Variants in TNFAIP8L1 observed in about 807,000 individuals in gnomAD.
The protein encoded by TNFAIP8L1 is TNF alpha induced protein 8 like 1.
For synonymous variants in TNFAIP8L1, 127 were observed against 125.6 expected (o/e 1.01, Z -0.08); for missense variants, 225 against 266.1 (o/e 0.85, Z 1.08).
intron 1 of TNFAIP8L1, among the ~76,000 whole-genome samples, chr19:4,643,509 G>A (rs1180824593): frequency 7.9e-5 from 12 of 152,178 alleles, no homozygotes; most frequent in East Asian, 5.8e-4. Flanking sequence ...CAGGCTCCCC[G>A]CCACAACCCA....
Position 4,651,972 on chromosome 19 carries a change from A to T in TNFAIP8L1, c.103A>T (p.Ser35Cys), listed in dbSNP as rs778299757. The stretch of plus-strand genomic sequence containing the variant: ...GGTGGCCGTGCTGGTGGATGACACC[A>T]GCAGTGAGGTGCTGGATGAGCTGTA... ...AVVAVLVDDT[S>C]SEVLDELYRA... is the part of the protein sequence containing the mutation. Residue 35 changes from serine to cysteine, a missense_variant, in exon 2 of 2, where the codon AGC becomes TGC. Ser to Cys is a moderately radical substitution (Grantham distance 112). Coordinates refer to ENST00000327473, the MANE Select transcript of TNFAIP8L1 (RefSeq NM_152362.3). The T allele has an allele frequency of 1.9e-6, 3 of 1,614,162 alleles. No individual in the cohort carries two copies. In the South Asian group the frequency reaches 3.3e-5, roughly 18 times the overall value.
chr19:4,643,429 G>A (rs1448246771), intron 1 of TNFAIP8L1, among the ~76,000 whole-genome samples: 2 of 152,188 alleles, frequency 1.3e-5, no homozygotes, highest in Non-Finnish European at 2.9e-5. Context: ...TGGGCTGTGG[G>A]TAGCTGATAA....
rs1453096301 is a variant in TNFAIP8L1, at chr19:4,654,959, C to T, written c.*2529C>T. 4.6e-5 allele frequency: 7 copies of T among 152,114 alleles called. No homozygotes were observed. In the East Asian group the frequency reaches 1.3e-3, roughly 29 times the overall value. 9.4% of individuals were successfully genotyped at this position (152,114 alleles called of 1,614,324 possible). A position where few individuals can be genotyped will look rare whatever the true frequency, so the allele number is the denominator to read the frequency against. ...AGAGGTTGCGGCAGGGGCCTGTGGGCCTTACTTGGTGAGAAGGTAGGTCTA... is the reference window on the plus strand; with the variant it reads ...AGAGGTTGCGGCAGGGGCCTGTGGGTCTTACTTGGTGAGAAGGTAGGTCTA... On this transcript the variant is annotated 3_prime_UTR_variant, in exon 2 of 2. Transcript: ENST00000327473.
chr19:4,653,074 G>A lies in TNFAIP8L1; in HGVS notation c.*644G>A, dbSNP rs186595311. ...TAATCCCAGCACTTTGAGAGGCTGA[G>A]GCGGGCGGATCACGAGGTCAGGAGA... On this transcript the variant is annotated 3_prime_UTR_variant, in exon 2 of 2. Transcript: ENST00000327473. 0.019 allele frequency: 3,245 copies of A among 167,110 alleles called. 70 individuals carry two copies. The highest frequency in any genetic ancestry group is 0.021 in the Non-Finnish European group (1,454 of 68,174). The allele number at this position is 167,110 out of a possible 1,614,324, so 10.4% of individuals were successfully genotyped here. A position where few individuals can be genotyped will look rare whatever the true frequency, so the allele number is the denominator to read the frequency against.
intron 1 of TNFAIP8L1, among the ~76,000 whole-genome samples, chr19:4,646,697 C>G (rs2088314498): frequency 6.6e-6 from 1 of 151,376 alleles, no homozygotes; most frequent in Non-Finnish European, 1.5e-5. Context: ...GTGACGTGAT[C>G]TTGGCTCACT....
At position 4,645,110 on chromosome 19, in the gene TNFAIP8L1, A is replaced by G. The variant is rs558241016; in HGVS notation, c.-4+5481A>G. On this transcript the variant is annotated intron_variant, in intron 1 of 1. Coordinates refer to ENST00000327473, the MANE Select transcript of TNFAIP8L1 (RefSeq NM_152362.3). The surrounding 1 kb of genome is among the most constrained non-coding windows in gnomAD (Gnocchi z 4.1). Reference sequence around the variant, plus strand: ...CAATTATTGACACTCTGTGAGGTGCATGAAGAATTCATGGGACAGGGGTGG... The same window carrying G: ...CAATTATTGACACTCTGTGAGGTGCGTGAAGAATTCATGGGACAGGGGTGG... Among the ~76,000 whole-genome samples, 27 of 152,350 alleles carry G rather than the reference A, an allele frequency of 1.8e-4. No individual in the cohort carries two copies. Among genetic ancestry groups the G allele is most frequent in the African/African-American group, 6.0e-4 (25 of 41,582 alleles).
rs540516736 is a variant in TNFAIP8L1 at position 4,652,316 on chromosome 19, C to T, written c.447C>T (p.His149=). The T allele has an allele frequency of 2.6e-4, 401 of 1,559,500 alleles. 1 individual carries two copies. The South Asian group carries it at 4.3e-3, about 17-fold the overall frequency. The change falls in exon 2 of 2, where the codon CAC becomes CAT. Residue 149 remains histidine (H), a synonymous_variant. Transcript: ENST00000327473. The stretch of plus-strand genomic sequence containing the variant: ...GCCGCATCAACCACGTGTTCGGCCA[C>T]CTAGCCGACTGCGACTTCCTGGCTG... ...SHGRINHVFG[H]LADCDFLAAL... is the part of the protein sequence containing the mutation.
rs1269299447 is a variant in TNFAIP8L1 at position 4,652,746 on chromosome 19, C to G, written c.*316C>G. On this transcript the variant is annotated 3_prime_UTR_variant, in exon 2 of 2. Coordinates refer to ENST00000327473, the MANE Select transcript of TNFAIP8L1 (RefSeq NM_152362.3). ...CCCCTGGGTCGCTTGATGTAAAAGC[C>G]AAAAGCTGCTGCCTCCCACTTGGAT... 3.0e-6 allele frequency: 1 copy of G among 336,810 alleles called. No individual in the cohort carries two copies. The highest frequency in any genetic ancestry group is 5.6e-6 in the Non-Finnish European group (1 of 177,360). The allele number at this position is 336,810 out of a possible 1,614,324, so 20.9% of individuals were successfully genotyped here. A position where few individuals can be genotyped will look rare whatever the true frequency, so the allele number is the denominator to read the frequency against.
chr19:4,652,344 C>T lies in TNFAIP8L1; in HGVS notation c.475C>T (p.Leu159Phe). ...HLADCDFLAA[L>F]YGPAEPYRSH... is the part of the protein sequence containing the mutation. ...AGCCGACTGCGACTTCCTGGCTGCG[C>T]TCTACGGCCCCGCCGAGCCCTACCG... Residue 159 changes from leucine to phenylalanine, a missense_variant, in exon 2 of 2, where the codon CTC (leucine) becomes TTC (phenylalanine). By Grantham distance (22) the Leu-to-Phe change is conservative. Coordinates refer to ENST00000327473, the MANE Select transcript of TNFAIP8L1 (RefSeq NM_152362.3). The T allele has an allele frequency of 6.4e-7, 1 of 1,552,198 alleles. No individual in the cohort carries two copies. Among genetic ancestry groups the T allele is most frequent in the Non-Finnish European group, 8.7e-7 (1 of 1,150,570 alleles).
chr19:4,652,359 G>A lies in TNFAIP8L1; in HGVS notation c.490G>A (p.Glu164Lys), dbSNP rs1339053879. Residue 164 changes from glutamate (E) to lysine (K), a missense_variant, in exon 2 of 2, where the codon GAG becomes AAG. Transcript: ENST00000327473. ...DFLAALYGPA[E>K]PYRSHLRRIC... ...CCTGGCTGCGCTCTACGGCCCCGCC[G>A]AGCCCTACCGCTCCCACCTGCGCAG... 1.3e-6 allele frequency: 2 copies of A among 1,555,152 alleles called. No individual in the cohort carries two copies. Among genetic ancestry groups the A allele is most frequent in the Non-Finnish European group, 1.7e-6 (2 of 1,152,424 alleles).
intron 1 of TNFAIP8L1, among the ~76,000 whole-genome samples, chr19:4,646,509 T>C (rs1248369814): frequency 2.0e-5 from 3 of 151,996 alleles, no homozygotes; most frequent in African/African-American, 4.8e-5. Flanking sequence ...TTCCAGAACA[T>C]TCCATTACCA....
chr19:4,651,858 C>G lies in TNFAIP8L1; in HGVS notation c.-3-9C>G. The G allele has an allele frequency of 6.3e-7, 1 of 1,586,452 alleles. No homozygotes were observed. Among genetic ancestry groups the G allele is most frequent in the East Asian group, 2.3e-5 (1 of 44,386 alleles). On this transcript the variant is annotated splice_polypyrimidine_tract_variant and intron_variant, in intron 1 of 1. Coordinates refer to ENST00000327473, the MANE Select transcript of TNFAIP8L1 (RefSeq NM_152362.3). Reference sequence around the variant, plus strand: ...TGCAAAACTGAGGGCTGGTCTGTGTCCCCCGCAGGCCATGGACACCTTCAG... The same window carrying G: ...TGCAAAACTGAGGGCTGGTCTGTGTGCCCCGCAGGCCATGGACACCTTCAG...
Position 4,651,747 on chromosome 19 carries a change from A to G in TNFAIP8L1, c.-3-120A>G, listed in dbSNP as rs961834656. 15 of 1,172,808 alleles carry G rather than the reference A, an allele frequency of 1.3e-5. No homozygotes were observed. The African/African-American group carries it at 2.0e-4, about 16-fold the overall frequency. The allele number at this position is 1,172,808 out of a possible 1,614,324, so 72.7% of individuals were successfully genotyped here. Reference sequence around the variant, plus strand: ...ACAGGCGTGAGCCACTGCGTCCGGCATGACACTTTTTAAAGAAACAAATTC... The same window carrying G: ...ACAGGCGTGAGCCACTGCGTCCGGCGTGACACTTTTTAAAGAAACAAATTC... On this transcript the variant is annotated intron_variant, in intron 1 of 1. Transcript: ENST00000327473.
At position 4,641,383 on chromosome 19, in the gene TNFAIP8L1, T is replaced by A. The variant is rs2088260152; in HGVS notation, c.-4+1754T>A. 1 of 152,180 alleles carries A rather than the reference T, an allele frequency of 6.6e-6. No individual in the cohort carries two copies. The allele number at this position is 152,180 out of a possible 1,614,324, so 9.4% of individuals were successfully genotyped here. ...AAAAAATGACTCACACTTGCCCAGG[T>A]ACAGCTCAGGTGTTACAGACGGGGA... On this transcript the variant is annotated intron_variant, in intron 1 of 1. Coordinates refer to ENST00000327473, the MANE Select transcript of TNFAIP8L1 (RefSeq NM_152362.3). This position sits in a 1 kb window ranked among gnomAD's most constrained non-coding sequence, Gnocchi z 4.6.
rs1368317442 is a variant in TNFAIP8L1, at chr19:4,652,082, A to G, written c.213A>G (p.Gly71=). The change falls in exon 2 of 2, where the codon GGA becomes GGG. Residue 71 remains glycine, a synonymous_variant. Coordinates refer to ENST00000327473, the MANE Select transcript of TNFAIP8L1 (RefSeq NM_152362.3). ...KNLVKVALKL[G]LLLRGDQLGG... ...TGGTCAAGGTGGCCCTGAAGCTGGG[A>G]CTGCTGCTGCGTGGGGACCAGCTGG... 1 of 1,606,470 alleles carries G rather than the reference A, an allele frequency of 6.2e-7. No individual in the cohort carries two copies. Among genetic ancestry groups the G allele is most frequent in the Non-Finnish European group, 8.5e-7 (1 of 1,176,548 alleles).
At chr19:4,643,016 C>T (rs929868558) in intron 1 of TNFAIP8L1, among the ~76,000 whole-genome samples, 2 of 151,990 alleles carry the variant, frequency 1.3e-5, no homozygotes, top group Non-Finnish European at 2.9e-5. Context: ...GGCAGGGTGG[C>T]TCATGTAATC....
intron 1 of TNFAIP8L1, among the ~76,000 whole-genome samples, chr19:4,643,812 G>T (rs1296162502): frequency 1.3e-5 from 2 of 152,186 alleles, no homozygotes; most frequent in Non-Finnish European, 2.9e-5. Context: ...GCAGGTGCCT[G>T]TAATCCCAGC....
intron 1 of TNFAIP8L1, among the ~76,000 whole-genome samples, chr19:4,649,232 C>T (rs1568281768): frequency 6.9e-6 from 1 of 145,082 alleles, no homozygotes. Context: ...GCCCGGCCAG[C>T]TTTTTTTTTT....
In TNFAIP8L1 at chr19:4,645,858, C is replaced by T. The variant is rs11883131; in HGVS notation, c.-3-6009C>T. ...AGCAGGGAGACCTCAGAGCTGTGGA[C>T]GGACCTGGACAGAGGCTGTGGACAG... is the stretch of plus-strand genomic sequence containing the variant. On this transcript the variant is annotated intron_variant, in intron 1 of 1. Transcript: ENST00000327473. The surrounding 1 kb of genome is among the most constrained non-coding windows in gnomAD (Gnocchi z 4.1). Among the ~76,000 whole-genome samples, 9,438 of 152,202 alleles carry T rather than the reference C, an allele frequency of 0.062. 323 individuals are homozygous for T. Among genetic ancestry groups the T allele is most frequent in the African/African-American group, 0.083 (3,443 of 41,520 alleles).
Sources: gnomAD v4.1 joint callset for allele counts (sites outside exome capture counted in the v4.1 genomes callset) on GRCh38, gnomAD v4.1.1 for gene constraint, Gnocchi (gnomAD v3.1) non-coding constraint, MANE v1.5 for transcripts, NCBI Gene and HGNC (gene_info 2026-07-23, HGNC 2026-07-21) for gene names.